FHIT: variants seen among roughly 807,000 people sequenced by gnomAD.
FHIT encodes fragile histidine triad diadenosine triphosphatase, also known as bis(5'-adenosyl)-triphosphatase.
FHIT carries 19 observed loss-of-function variants against 17.9 expected under a neutral mutation model. The ratio of observed to expected loss-of-function variants is 1.06; its 90% CI spans 0.74 to 1.56. The LOEUF (loss-of-function observed/expected upper bound fraction) is 1.56. Among genes scored for constraint, FHIT ranks in the 40% most tolerant of loss-of-function variants. The pLI is 0.00. For missense variants in FHIT, 248 were observed against 189.2 expected, an observed-to-expected ratio of 1.31 and a Z score of -1.82; for synonymous variants, 81 against 69.7, an observed-to-expected ratio of 1.16 and a Z score of -0.81.
At chr3:60,709,062 A>G (rs2041448693) in intron 4 of FHIT, among the ~76,000 whole-genome samples, 1 of 152,144 alleles carries the variant, frequency 6.6e-6, no homozygotes, top group African/African-American at 2.4e-5. Context: ...TGGTCTCAGG[A>G]TCCATTTCCA....
At chr3:60,129,042 CTTTTTTGTTTG>C (rs1699396259) in intron 5 of FHIT, among the ~76,000 whole-genome samples, 1 of 113,012 alleles carries the variant, frequency 8.8e-6, no homozygotes, top group African/African-American at 3.4e-5. Flanking sequence ...TTCTTCTTTC[CTTTTTTGTTTG>C]TTTTTTTTTT....
At position 60,356,372 on chromosome 3, in the gene FHIT, T is replaced by G. The variant is rs539816596; in HGVS notation, c.103+180488A>C. 3.3e-5 allele frequency among the ~76,000 whole-genome samples: 5 copies of G among 152,268 alleles called. 1 individual carries two copies. The South Asian group carries it at 1.0e-3, about 32-fold the overall frequency. The stretch of plus-strand genomic sequence containing the variant: ...ACAAAACCAACAATGAGGAAGAGCA[T>G]GATCGCATAATTTTTTATGTTCTTC... On this transcript the variant is annotated intron_variant, in intron 5 of 9. Transcript: ENST00000492590.
At chr3:60,976,387 G>A (rs1250412945) in intron 3 of FHIT, among the ~76,000 whole-genome samples, 5 of 151,938 alleles carry the variant, frequency 3.3e-5, no homozygotes, top group Admixed American at 1.3e-4. Context: ...GATTCCAGGC[G>A]TGAGCCACCA....
intron 5 of FHIT, among the ~76,000 whole-genome samples, chr3:60,260,690 G>A (rs1194467947): frequency 6.6e-6 from 1 of 151,968 alleles, no homozygotes; most frequent in African/African-American, 2.4e-5. Context: ...GAGACCTACT[G>A]GGCTGTATTT....
At chr3:60,978,576 A>G (rs1245657535) in intron 3 of FHIT, among the ~76,000 whole-genome samples, 1 of 152,220 alleles carries the variant, frequency 6.6e-6, no homozygotes, top group Non-Finnish European at 1.5e-5. Flanking sequence ...TTGGAATTCC[A>G]ACTCTGCAAC....
At chr3:60,222,089 T>G (rs1007973689) in intron 5 of FHIT, among the ~76,000 whole-genome samples, 3 of 152,172 alleles carry the variant, frequency 2.0e-5, no homozygotes, top group African/African-American at 4.8e-5. Flanking sequence ...CAAACGAACC[T>G]GCTAGTTAAG....
rs1261591318 is a variant in FHIT, at chr3:60,882,278, C to G, written c.-110-60267G>C. Among the ~76,000 whole-genome samples, 4 of 152,132 alleles carry G rather than the reference C, an allele frequency of 2.6e-5. No homozygotes were observed. The East Asian group carries it at 7.7e-4, about 29-fold the overall frequency. On this transcript the variant is annotated intron_variant, in intron 3 of 9. Transcript: ENST00000492590. The stretch of plus-strand genomic sequence containing the variant: ...AAAAGCCCAGGACCTGATAGCTTCA[C>G]TACTGAATTCTACCAAACATTTAAA...
intron 1 of FHIT, among the ~76,000 whole-genome samples, chr3:61,241,480 T>C (rs1457891859): frequency 1.3e-5 from 2 of 152,190 alleles, no homozygotes; most frequent in African/African-American, 4.8e-5. Flanking sequence ...AAAATAAAAA[T>C]CTTGTTCTTA....
At position 60,226,472 on chromosome 3, in the gene FHIT, C is replaced by CAAAAAAAAAAAAAAA. The variant is rs1189100387; in HGVS notation, c.104-212335_104-212321dup. 1.1e-3 allele frequency among the ~76,000 whole-genome samples: 74 copies of CAAAAAAAAAAAAAAA among 70,134 alleles called. 8 individuals are homozygous for CAAAAAAAAAAAAAAA. Among genetic ancestry groups the CAAAAAAAAAAAAAAA allele is most frequent in the African/African-American group, 2.6e-3 (45 of 17,278 alleles). The allele number at this position is 70,134 out of a possible 152,430, so 46.0% of individuals were successfully genotyped here. On this transcript the variant is annotated intron_variant, in intron 5 of 9. Transcript: ENST00000492590. ...GGGCAACAAGAGTGAAACTCCGTCT[C>CAAAAAAAAAAAAAAA]AAAAAAAAAAAAAAAAAAAAAACAC...
chr3:60,635,010 T>G (rs1243604515), intron 4 of FHIT, among the ~76,000 whole-genome samples: 6 of 152,172 alleles, frequency 3.9e-5, no homozygotes, highest in Non-Finnish European at 8.8e-5. Context: ...TAGCTAGAGC[T>G]ACTGCATGCC....
chr3:59,890,703 G>A (rs935712918), intron 8 of FHIT, among the ~76,000 whole-genome samples: 2 of 152,162 alleles, frequency 1.3e-5, no homozygotes, highest in Non-Finnish European at 2.9e-5. Context: ...TCAAAAGAGA[G>A]AGAGAAATTA....
At chr3:60,108,685 CAG>C (rs1205607098) in intron 5 of FHIT, among the ~76,000 whole-genome samples, 1 of 146,642 alleles carries the variant, frequency 6.8e-6, no homozygotes. Flanking sequence ...TTTTTTGAGA[CAG>C]AGTCTCGCTT....
chr3:59,966,691 T>C (rs1475745657), intron 7 of FHIT, among the ~76,000 whole-genome samples: 1 of 152,158 alleles, frequency 6.6e-6, no homozygotes, highest in Non-Finnish European at 1.5e-5. Flanking sequence ...AGAAATATGG[T>C]ATTCCTATAT....
intron 4 of FHIT, among the ~76,000 whole-genome samples, chr3:60,635,355 C>G (rs1298019974): frequency 1.3e-5 from 2 of 152,222 alleles, no homozygotes; most frequent in African/African-American, 4.8e-5. Flanking sequence ...TAAACCGCAT[C>G]TTGCCAAAGC....
chr3:60,363,120 A>T (rs1235413561), intron 5 of FHIT, among the ~76,000 whole-genome samples: 3 of 152,148 alleles, frequency 2.0e-5, no homozygotes, highest in Non-Finnish European at 2.9e-5. Flanking sequence ...GTTGGGTATC[A>T]AAAAATAAAA....
intron 8 of FHIT, among the ~76,000 whole-genome samples, chr3:59,921,729 T>G (rs1442664894): frequency 1.3e-5 from 2 of 152,384 alleles, no homozygotes; most frequent in Admixed American, 6.5e-5. Context: ...AAAGTTCTCA[T>G]GTAGACAGGG....
At chr3:59,942,860 G>T (rs764560892) in intron 7 of FHIT, among the ~76,000 whole-genome samples, 12 of 151,812 alleles carry the variant, frequency 7.9e-5, no homozygotes, top group Non-Finnish European at 1.6e-4. Context: ...TGTTGTCCAG[G>T]CTGCTCTCAA....
At chr3:60,486,164 G>A (rs1039482635) in intron 5 of FHIT, among the ~76,000 whole-genome samples, 1 of 151,938 alleles carries the variant, frequency 6.6e-6, no homozygotes, top group Admixed American at 6.6e-5. Context: ...TTTGATAGAG[G>A]ATACAGTAAA....
chr3:60,389,681 T>G (rs1701146988), intron 5 of FHIT, among the ~76,000 whole-genome samples: 1 of 152,174 alleles, frequency 6.6e-6, no homozygotes, highest in Admixed American at 6.6e-5. Context: ...ATGTGCCAAG[T>G]ATGGTCGATA....
Sources: allele counts gnomAD v4.1 joint callset (sites outside exome capture counted in the v4.1 genomes callset), GRCh38; gene constraint gnomAD v4.1.1; transcripts MANE v1.5; gene names NCBI Gene and HGNC (gene_info 2026-07-23, HGNC 2026-07-21).